The following DNAH10 variants were observed in gnomAD, a reference collection of about 807,000 sequenced individuals.
DNAH10 encodes the protein dynein axonemal heavy chain 10.
Under a neutral mutation model 506.6 loss-of-function variants are expected in DNAH10, and 348 were observed. That is an observed-to-expected ratio of 0.69 (90% confidence interval 0.63 to 0.75). The LOEUF (loss-of-function observed/expected upper bound fraction) is 0.75. Ranked by LOEUF, DNAH10 falls within the 30% of genes least tolerant of loss-of-function variation. The pLI is 0.00. For missense variants in DNAH10, 5,179 were observed against 5,787.1 expected, an observed-to-expected ratio of 0.89 and a Z score of 3.41; for synonymous variants, 2,059 against 2,198.6, an observed-to-expected ratio of 0.94 and a Z score of 1.78.
At chr12:123,890,990 C>T (rs561101396) in intron 52 of DNAH10, among the ~76,000 whole-genome samples, 136 of 152,134 alleles carry the variant, frequency 8.9e-4, no homozygotes, top group African/African-American at 2.9e-3. Flanking sequence ...CTGGGGCTGC[C>T]GTCACAAAAT....
At chr12:123,799,186 A>ATCTCG in intron 13 of DNAH10, 60 bp from the exon 14 acceptor site, 1 of 1,430,914 alleles carries the variant, frequency 7.0e-7, no homozygotes, top group Non-Finnish European at 9.7e-7. Context: ...ATCTGTGTAG[A>ATCTCG]GCGAGATGAA....
intron 47 of DNAH10, among the ~76,000 whole-genome samples, chr12:123,876,164 A>C (rs1952248219): frequency 6.6e-6 from 1 of 152,176 alleles, no homozygotes; most frequent in Non-Finnish European, 1.5e-5. Flanking sequence ...TGGAGTGGCC[A>C]GGCCTGATCA....
chr12:123,864,828 A>C, intron 40 of DNAH10, 98 bp downstream of exon 40: 1 of 1,392,704 alleles, frequency 7.2e-7, no homozygotes, highest in Non-Finnish European at 9.6e-7. Flanking sequence ...TGATTATTTA[A>C]AAACAAACAA....
chr12:123,905,496 G>A (rs568941413), intron 57 of DNAH10, among the ~76,000 whole-genome samples: 1 of 152,180 alleles, frequency 6.6e-6, no homozygotes, highest in Non-Finnish European at 1.5e-5. Context: ...CAATCCAAAC[G>A]AGTAGTACCT....
At chr12:123,876,999 AT>A (rs900263101) in intron 47 of DNAH10, among the ~76,000 whole-genome samples, 11 of 152,280 alleles carry the variant, frequency 7.2e-5, no homozygotes, top group East Asian at 5.8e-4. Flanking sequence ...TATTATAGCC[AT>A]TTTAAAGTAT....
intron 2 of DNAH10, among the ~76,000 whole-genome samples, chr12:123,770,941 A>G (rs1308920787): frequency 1.3e-5 from 2 of 151,936 alleles, no homozygotes; most frequent in Non-Finnish European, 2.9e-5. Flanking sequence ...TCATAGTGAA[A>G]AAGGAGTAAA....
chr12:123,814,800 G>A (rs1959085207), intron 21 of DNAH10, among the ~76,000 whole-genome samples: 1 of 151,936 alleles, frequency 6.6e-6, no homozygotes. Context: ...TGTATTTTTA[G>A]TAGAGACAGG....
At position 123,935,698 on chromosome 12, in the gene DNAH10, G is replaced by A. The variant is rs1218142223; in HGVS notation, c.*217G>A. The stretch of plus-strand genomic sequence containing the variant: ...TAAAAGGAATTTATATAATCAAAAA[G>A]TAAATATTGGAGAGTATTTTAAGAT... On this transcript the variant is annotated 3_prime_UTR_variant, in exon 79 of 79. Transcript: ENST00000673944. 2 of 457,694 alleles carry A rather than the reference G, an allele frequency of 4.4e-6. No homozygotes were observed. Among genetic ancestry groups the A allele is most frequent in the Non-Finnish European group, 7.5e-6 (2 of 265,970 alleles). 28.4% of individuals were successfully genotyped at this position (457,694 alleles called of 1,614,324 possible). A position where few individuals can be genotyped will look rare whatever the true frequency, so the allele number is the denominator to read the frequency against.
rs774409217 is a variant in DNAH10, at chr12:123,796,832, G to T, written c.2163G>T (p.Glu721Asp). The T allele has an allele frequency of 6.3e-7, 1 of 1,597,238 alleles. No homozygotes were observed. Among genetic ancestry groups the T allele is most frequent in the Admixed American group, 1.8e-5 (1 of 56,308 alleles). ...TACTGGACAGTGATCGAGGACAGGA[G>T]GTATGTTGCTCTTGCTAGAATTGGC... ...QEILDSDRGQ[E>D]VKQKYLEVGR... The change falls in exon 13 of 79, where the codon GAG becomes GAT. Residue 721 changes from glutamate (E) to aspartate (D), a missense_variant and splice_region_variant. Coordinates refer to ENST00000673944, the MANE Select transcript of DNAH10 (RefSeq NM_001372106.1).
intron 13 of DNAH10, among the ~76,000 whole-genome samples, chr12:123,798,549 A>G (rs1271567922): frequency 6.6e-6 from 1 of 152,164 alleles, no homozygotes; most frequent in Non-Finnish European, 1.5e-5. Context: ...CCCACCTCCA[A>G]CACTGGGGAT....
rs1287966311 is a variant in DNAH10, at chr12:123,935,524, G to T, written c.*43G>T. On this transcript the variant is annotated 3_prime_UTR_variant, in exon 79 of 79. Transcript: ENST00000673944. ...CTGCTTAATGAATTCGGAGCCTGGG[G>T]TTGTCAGAGTGATCGGGTCTGCTGT... The T allele has an allele frequency of 7.9e-6, 12 of 1,520,020 alleles. No homozygotes were observed. The highest frequency in any genetic ancestry group is 1.6e-5 in the African/African-American group (1 of 60,636). 94.2% of individuals were successfully genotyped at this position (1,520,020 alleles called of 1,614,324 possible).
chr12:123,793,075 T>C (rs1958142192), intron 11 of DNAH10, among the ~76,000 whole-genome samples: 1 of 152,200 alleles, frequency 6.6e-6, no homozygotes, highest in Non-Finnish European at 1.5e-5. Context: ...GATGTTATTC[T>C]TGAGTTAATT....
intron 6 of DNAH10, 87 bp from the exon 7 acceptor site, chr12:123,783,020 A>C: frequency 7.5e-7 from 1 of 1,325,608 alleles, no homozygotes; most frequent in African/African-American, 1.4e-5. Context: ...GAAGCTTGAG[A>C]GACGACCCAG....
chr12:123,865,940 T>C lies in DNAH10; in HGVS notation c.7045-11T>C. The C allele has an allele frequency of 6.3e-7, 1 of 1,595,620 alleles. No individual in the cohort carries two copies. The highest frequency in any genetic ancestry group is 8.5e-7 in the Non-Finnish European group (1 of 1,174,166). On this transcript the variant is annotated splice_polypyrimidine_tract_variant and intron_variant, in intron 40 of 78. Transcript: ENST00000673944. The stretch of plus-strand genomic sequence containing the variant: ...AGCTATAGCCATGATTGATTTTCTT[T>C]ATTTATCCAGGTTGGAGATTTACAG...
intron 29 of DNAH10, among the ~76,000 whole-genome samples, chr12:123,839,110 C>T (rs978073920): frequency 1.3e-5 from 2 of 152,160 alleles, no homozygotes; most frequent in Admixed American, 1.3e-4. Flanking sequence ...CACACTCAGC[C>T]CTCGAGTTTT....
intron 44 of DNAH10, among the ~76,000 whole-genome samples, chr12:123,870,866 TG>T (rs890652678): frequency 2.0e-5 from 3 of 152,184 alleles, no homozygotes; most frequent in African/African-American, 7.2e-5. Flanking sequence ...GGCGCTGGCT[TG>T]AAAAGCTGTG....
intron 51 of DNAH10, among the ~76,000 whole-genome samples, chr12:123,886,851 C>T (rs1476248988): frequency 6.6e-6 from 1 of 152,168 alleles, no homozygotes; most frequent in Non-Finnish European, 1.5e-5. Flanking sequence ...CTTATTTCTC[C>T]CTGTGTGCGT....
intron 65 of DNAH10, chr12:123,922,856 C>T (rs10846579): frequency 0.38 from 57,740 of 151,836 alleles, 11,830 homozygotes; most frequent in African/African-American, 0.53. Context: ...AACTTAATCA[C>T]CTATTTAAAG....
chr12:123,928,374 TC>T lies in DNAH10; in HGVS notation c.12106-8del. Reference sequence around the variant, plus strand: ...ATGCCAACCCCTCTCCTCTTCCCTCTCCCCCGGCGCAGGTGGCCCTGCAGCT... The same window carrying T: ...ATGCCAACCCCTCTCCTCTTCCCTCTCCCCGGCGCAGGTGGCCCTGCAGCT... On this transcript the variant is annotated splice_polypyrimidine_tract_variant and intron_variant, in intron 69 of 78. Coordinates refer to ENST00000673944, the MANE Select transcript of DNAH10 (RefSeq NM_001372106.1). This position sits in a 1 kb window ranked among gnomAD's most constrained non-coding sequence, Gnocchi z 4.9. The T allele has an allele frequency of 6.3e-7, 1 of 1,575,074 alleles. No homozygotes were observed. The highest frequency in any genetic ancestry group is 1.8e-5 in the Admixed American group (1 of 54,326).
Sources: allele counts gnomAD v4.1 joint callset (sites outside exome capture counted in the v4.1 genomes callset), GRCh38; gene constraint gnomAD v4.1.1; non-coding constraint Gnocchi (gnomAD v3.1); transcripts MANE v1.5; gene names NCBI Gene and HGNC (gene_info 2026-07-23, HGNC 2026-07-21).